The following OLFM4 variants were observed in gnomAD, a reference collection of about 807,000 sequenced individuals.
OLFM4 encodes the protein olfactomedin-4.
OLFM4 carries 22 observed loss-of-function variants against 25.5 expected under a neutral mutation model. The ratio of observed to expected loss-of-function variants is 0.86; its 90% CI spans 0.62 to 1.23. The LOEUF (loss-of-function observed/expected upper bound fraction) is 1.23, where lower values mean the gene tolerates loss of function less well. OLFM4 is among the 50% of genes most tolerant of loss of function. The pLI, the probability that OLFM4 is intolerant of heterozygous loss-of-function variation, is 0.00. For missense variants in OLFM4, 594 were observed against 619.4 expected, an observed-to-expected ratio of 0.96 and a Z score of 0.44; for synonymous variants, 255 against 237.7, an observed-to-expected ratio of 1.07 and a Z score of -0.67.
intron 2 of OLFM4, among the ~76,000 whole-genome samples, chr13:53,041,170 G>T (rs539084725): frequency 6.6e-6 from 1 of 152,108 alleles, no homozygotes; most frequent in African/African-American, 2.4e-5. Context: ...ATACATGGGC[G>T]TGTGTGTACA....
At chr13:53,031,150 TA>T (rs1954627169) in intron 1 of OLFM4, among the ~76,000 whole-genome samples, 1 of 152,238 alleles carries the variant, frequency 6.6e-6, no homozygotes, top group Non-Finnish European at 1.5e-5. Flanking sequence ...TTAGAGGTTT[TA>T]ATTTTCCTTT....
At chr13:53,040,888 T>G (rs1185037022) in intron 2 of OLFM4, among the ~76,000 whole-genome samples, 2 of 152,196 alleles carry the variant, frequency 1.3e-5, no homozygotes, top group Non-Finnish European at 2.9e-5. Context: ...CAATATCACT[T>G]GATCATTAGA....
chr13:53,032,555 C>G (rs1299453141), intron 1 of OLFM4, among the ~76,000 whole-genome samples: 2 of 152,028 alleles, frequency 1.3e-5, no homozygotes, highest in African/African-American at 4.8e-5. Context: ...AAGACCCTTC[C>G]CCTATTCAAA....
At chr13:53,049,921 G>T in intron 4 of OLFM4, 48 bp from the exon 5 acceptor site, 1 of 1,512,024 alleles carries the variant, frequency 6.6e-7, no homozygotes, top group South Asian at 1.3e-5. Flanking sequence ...TTTGTATCCT[G>T]TCATTCCTTT....
chr13:53,043,425 C>T (rs546895871), intron 4 of OLFM4, among the ~76,000 whole-genome samples, 161 bp downstream of exon 4: 2 of 149,426 alleles, frequency 1.3e-5, no homozygotes, highest in South Asian at 2.2e-4. Flanking sequence ...TTTAAAATTC[C>T]CTTCCTCCCA....
intron 4 of OLFM4, among the ~76,000 whole-genome samples, chr13:53,047,555 T>C (rs961248266): frequency 6.6e-6 from 1 of 152,130 alleles, no homozygotes; most frequent in African/African-American, 2.4e-5. Flanking sequence ...AAAAGGAGGA[T>C]AACAAATGAA....
intron 1 of OLFM4, among the ~76,000 whole-genome samples, chr13:53,029,426 A>G (rs1323775238): frequency 6.6e-6 from 1 of 152,172 alleles, no homozygotes; most frequent in South Asian, 2.1e-4. Flanking sequence ...TGATTCTAAT[A>G]TATAGTCCAA....
chr13:53,029,699 A>C (rs757814277), intron 1 of OLFM4, among the ~76,000 whole-genome samples: 1 of 152,226 alleles, frequency 6.6e-6, no homozygotes, highest in Non-Finnish European at 1.5e-5. Context: ...CACTCTTTGC[A>C]GTCTTCTTTA....
intron 4 of OLFM4, among the ~76,000 whole-genome samples, chr13:53,044,739 T>C (rs1446870840): frequency 6.6e-6 from 1 of 152,168 alleles, no homozygotes; most frequent in Non-Finnish European, 1.5e-5. Context: ...CTGTCCTCTG[T>C]AATAAACTAA....
At chr13:53,037,115 G>A (rs13378479) in intron 2 of OLFM4, among the ~76,000 whole-genome samples, 2,913 of 152,320 alleles carry the variant, frequency 0.019, 104 homozygotes, top group African/African-American at 0.067. Context: ...GAGAATGCCC[G>A]TTTAGGACAG....
In OLFM4 at chr13:53,039,720, C is replaced by T. The variant is rs117082145; in HGVS notation, c.358-2190C>T. On this transcript the variant is annotated intron_variant, in intron 2 of 4. Coordinates refer to ENST00000219022, the MANE Select transcript of OLFM4 (RefSeq NM_006418.5). ...ATCCACCATGGATACTAAGAGGTGGCCGTATATATGTTTTAACCTCCCTAT... is the reference window on the plus strand; with the variant it reads ...ATCCACCATGGATACTAAGAGGTGGTCGTATATATGTTTTAACCTCCCTAT... Among the ~76,000 whole-genome samples the T allele has an allele frequency of 4.6e-5, 7 of 152,136 alleles. No homozygotes were observed. The East Asian group carries it at 7.7e-4, about 17-fold the overall frequency.
chr13:53,043,480 C>T (rs1566319044), intron 4 of OLFM4, among the ~76,000 whole-genome samples: 1 of 151,044 alleles, frequency 6.6e-6, no homozygotes, highest in Non-Finnish European at 1.5e-5. Flanking sequence ...AGAGGAAGAG[C>T]ACAAACAATG....
intron 1 of OLFM4, among the ~76,000 whole-genome samples, chr13:53,032,144 G>C (rs1002804770): frequency 2.0e-5 from 3 of 152,184 alleles, no homozygotes; most frequent in African/African-American, 2.4e-5. Flanking sequence ...TGACAGCAGG[G>C]CTCATAATTA....
At chr13:53,046,441 G>T (rs1336483530) in intron 4 of OLFM4, among the ~76,000 whole-genome samples, 3 of 152,194 alleles carry the variant, frequency 2.0e-5, no homozygotes, top group Non-Finnish European at 2.9e-5. Flanking sequence ...TCTATAGAGG[G>T]TTCCTCAAAT....
At chr13:53,038,243 A>G (rs1386477973) in intron 2 of OLFM4, among the ~76,000 whole-genome samples, 1 of 152,196 alleles carries the variant, frequency 6.6e-6, no homozygotes, top group Non-Finnish European at 1.5e-5. Context: ...TATGAGAACC[A>G]GGACAAAATC....
chr13:53,041,771 A>G, intron 2 of OLFM4, 139 bp from the exon 3 acceptor site: 3 of 612,960 alleles, frequency 4.9e-6, no homozygotes, highest in South Asian at 4.3e-5. Context: ...ATCTAGTTAA[A>G]TGTATTTTTG....
At chr13:53,029,235 T>C (rs557596534) in intron 1 of OLFM4, among the ~76,000 whole-genome samples, 195 bp downstream of exon 1, 11 of 152,332 alleles carry the variant, frequency 7.2e-5, no homozygotes, top group African/African-American at 2.2e-4. Context: ...AGAGACGATA[T>C]CGCAGTTCTC....
In OLFM4 at chr13:53,050,481, C is replaced by G. The variant is rs1954741464; in HGVS notation, c.1243C>G (p.Leu415Val). The part of the protein sequence containing the change: ...MVISKLNDTT[L>V]QVLNTWYTKQ... ...GATTAGTAAACTCAATGACACCACA[C>G]TTCAGGTGCTAAACACTTGGTATAC... Residue 415 changes from leucine to valine, a missense_variant, in exon 5 of 5, where the codon CTT becomes GTT. Physicochemically the swap from Leu to Val is conservative, Grantham distance 32. Coordinates refer to ENST00000219022, the MANE Select transcript of OLFM4 (RefSeq NM_006418.5). 2.5e-6 allele frequency: 4 copies of G among 1,613,938 alleles called. No individual in the cohort carries two copies. Among genetic ancestry groups the G allele is most frequent in the African/African-American group, 1.3e-5 (1 of 74,908 alleles).
At chr13:53,035,539 A>T (rs1954654002) in intron 2 of OLFM4, among the ~76,000 whole-genome samples, 1 of 152,214 alleles carries the variant, frequency 6.6e-6, no homozygotes, top group African/African-American at 2.4e-5. Flanking sequence ...GTGCTGTTGA[A>T]TACTAGGTCT....
Sources: allele counts gnomAD v4.1 joint callset (sites outside exome capture counted in the v4.1 genomes callset), GRCh38; gene constraint gnomAD v4.1.1; transcripts MANE v1.5; gene names NCBI Gene and HGNC (gene_info 2026-07-23, HGNC 2026-07-21).